Variants in UBASH3B observed in about 807,000 individuals in gnomAD.
The protein encoded by UBASH3B is ubiquitin associated and SH3 domain containing B.
In UBASH3B, 37 loss-of-function variants were observed where a neutral mutation model predicts 83.4. That is an observed-to-expected ratio of 0.44 (90% CI 0.34 to 0.58). The LOEUF is 0.58. Ranked by LOEUF, UBASH3B falls within the 20% of genes least tolerant of loss-of-function variation. The pLI is 0.01. For synonymous variants in UBASH3B, 304 were observed against 318.3 expected, an observed-to-expected ratio of 0.96 and a Z score of 0.48; for missense variants, 657 against 827.2, an observed-to-expected ratio of 0.79 and a Z score of 2.52.
chr11:122,749,722 A>G (rs2135966804), intron 1 of UBASH3B, among the ~76,000 whole-genome samples: 1 of 152,182 alleles, frequency 6.6e-6, no homozygotes, highest in Admixed American at 6.5e-5. Flanking sequence ...TAATCATTCT[A>G]TTTTATTTTA....
chr11:122,798,509 G>A (rs1363709269), intron 9 of UBASH3B, among the ~76,000 whole-genome samples: 4 of 151,856 alleles, frequency 2.6e-5, no homozygotes, highest in African/African-American at 4.8e-5. Flanking sequence ...TCAAGAGATC[G>A]AGACCATTCT....
Position 122,655,986 on chromosome 11 carries a change from T to A in UBASH3B, c.-64T>A. The A allele has an allele frequency of 3.0e-4, 288 of 975,714 alleles. No individual in the cohort carries two copies. Among genetic ancestry groups the A allele is most frequent in the Middle Eastern group, 7.1e-4 (2 of 2,814 alleles). The allele number at this position is 975,714 out of a possible 1,614,324, so 60.4% of individuals were successfully genotyped here. ...GCCCCCTCCCCTGGCCCAGCCCGAC[T>A]CCCTCCTCCTTCCCGAACCATCCGG... On this transcript the variant is annotated 5_prime_UTR_variant, in exon 1 of 14. Transcript: ENST00000284273.
At chr11:122,656,346 G>T (rs1364793056) in intron 1 of UBASH3B, 136 bp downstream of exon 1, 2 of 944,176 alleles carry the variant, frequency 2.1e-6, no homozygotes, top group Non-Finnish European at 2.8e-6. Context: ...TTGGGGGCGG[G>T]ATGGGCGCGC....
intron 11 of UBASH3B, among the ~76,000 whole-genome samples, chr11:122,805,009 G>T (rs1183707134): frequency 6.6e-6 from 1 of 152,180 alleles, no homozygotes; most frequent in African/African-American, 2.4e-5. Flanking sequence ...AGGAAGCCTA[G>T]CTTTGATCAT....
Position 122,800,486 on chromosome 11 carries a change from G to A in UBASH3B, c.1451-702G>A, listed in dbSNP as rs571229687. Among the ~76,000 whole-genome samples, 349 of 151,492 alleles carry A rather than the reference G, an allele frequency of 2.3e-3. 1 individual carries two copies. The highest frequency in any genetic ancestry group is 2.4e-3 in the African/African-American group (99 of 41,338). ...GGAGAATTGCTTGAACCCAGGAGGC[G>A]GAGGTTGCAGTGAGCCGAGACTGTA... On this transcript the variant is annotated intron_variant, in intron 10 of 13. Transcript: ENST00000284273.
chr11:122,785,320 T>C (rs1324811004), intron 5 of UBASH3B, among the ~76,000 whole-genome samples: 1 of 152,192 alleles, frequency 6.6e-6, no homozygotes, highest in Non-Finnish European at 1.5e-5. Flanking sequence ...CGGTCCTACC[T>C]GAGCCGTCTG....
intron 1 of UBASH3B, among the ~76,000 whole-genome samples, chr11:122,691,493 C>T (rs556623752): frequency 1.1e-4 from 17 of 152,338 alleles, no homozygotes; most frequent in African/African-American, 3.1e-4. Context: ...CCTTTCCTCT[C>T]GTGCAGGGAA....
In UBASH3B at chr11:122,709,910, A is replaced by G. The variant is rs533874317; in HGVS notation, c.161+53700A>G. On this transcript the variant is annotated intron_variant, in intron 1 of 13. Transcript: ENST00000284273. Reference sequence around the variant, plus strand: ...TGTGGGTCGCGCCTGTAATCCCAGCACTTTGGGAGGCTGAGGCAGGCAGAT... The same window carrying G: ...TGTGGGTCGCGCCTGTAATCCCAGCGCTTTGGGAGGCTGAGGCAGGCAGAT... Among the ~76,000 whole-genome samples, 7 of 152,266 alleles carry G rather than the reference A, an allele frequency of 4.6e-5. No homozygotes were observed. The South Asian group carries it at 1.4e-3, about 32-fold the overall frequency.
At chr11:122,783,383 C>A (rs975223824) in intron 5 of UBASH3B, among the ~76,000 whole-genome samples, 161 bp downstream of exon 5, 1 of 152,112 alleles carries the variant, frequency 6.6e-6, no homozygotes, top group Non-Finnish European at 1.5e-5. Flanking sequence ...CTGCTTGCCT[C>A]ACTGGGAGGC....
intron 1 of UBASH3B, among the ~76,000 whole-genome samples, chr11:122,666,736 A>G (rs1278581537): frequency 6.6e-6 from 1 of 152,028 alleles, no homozygotes; most frequent in South Asian, 2.1e-4. Context: ...TTTTGAATCA[A>G]CTTTTCCTTG....
chr11:122,761,779 C>CTTTTTTTTTT (rs138806467), intron 1 of UBASH3B, among the ~76,000 whole-genome samples: 1 of 65,380 alleles, frequency 1.5e-5, no homozygotes, highest in Non-Finnish European at 2.7e-5. Flanking sequence ...CTCCCAGATC[C>CTTTTTTTTTT]TTTTTTTTTT....
intron 2 of UBASH3B, 104 bp downstream of exon 2, chr11:122,776,376 G>A (rs189200370): frequency 1.9e-6 from 2 of 1,071,292 alleles, no homozygotes; most frequent in African/African-American, 1.6e-5. Flanking sequence ...CCTTCCAGAA[G>A]AGACAGGAGC....
intron 5 of UBASH3B, among the ~76,000 whole-genome samples, chr11:122,784,522 G>C (rs1189863393): frequency 6.6e-6 from 1 of 152,116 alleles, no homozygotes; most frequent in Non-Finnish European, 1.5e-5. Context: ...CTCATCGTTT[G>C]TTAAAAATGT....
chr11:122,809,157 C>T (rs896703035), intron 13 of UBASH3B, among the ~76,000 whole-genome samples: 4 of 152,030 alleles, frequency 2.6e-5, no homozygotes, highest in African/African-American at 4.8e-5. Context: ...TCACTTTAAC[C>T]TCTGCCTCCT....
At chr11:122,753,033 G>A (rs1393509581) in intron 1 of UBASH3B, among the ~76,000 whole-genome samples, 1 of 151,664 alleles carries the variant, frequency 6.6e-6, no homozygotes, top group African/African-American at 2.4e-5. Flanking sequence ...AATACATTCA[G>A]CTGCCTCTTC....
chr11:122,678,091 T>C (rs886724548), intron 1 of UBASH3B, among the ~76,000 whole-genome samples: 2 of 152,230 alleles, frequency 1.3e-5, no homozygotes, highest in Non-Finnish European at 2.9e-5. Context: ...GGCACTAATC[T>C]CATCATTAGA....
At chr11:122,693,608 C>T (rs1043567168) in intron 1 of UBASH3B, among the ~76,000 whole-genome samples, 64 of 152,314 alleles carry the variant, frequency 4.2e-4, no homozygotes, top group African/African-American at 1.4e-3. Context: ...CGTGGTGGCT[C>T]ATGCCTGTAA....
intron 1 of UBASH3B, among the ~76,000 whole-genome samples, chr11:122,714,731 A>T (rs1410226905): frequency 6.6e-6 from 1 of 152,196 alleles, no homozygotes; most frequent in Non-Finnish European, 1.5e-5. Flanking sequence ...CACAGAGTGA[A>T]GCAATGTCAG....
chr11:122,725,915 A>G (rs1170113533), intron 1 of UBASH3B, among the ~76,000 whole-genome samples: 2 of 151,976 alleles, frequency 1.3e-5, no homozygotes, highest in African/African-American at 4.8e-5. Flanking sequence ...GCTGGTCTCA[A>G]ACTCCTGACC....
Sources: allele counts gnomAD v4.1 joint callset (sites outside exome capture counted in the v4.1 genomes callset), GRCh38; gene constraint gnomAD v4.1.1; transcripts MANE v1.5; gene names NCBI Gene and HGNC (gene_info 2026-07-23, HGNC 2026-07-21).